Variants in ZNF540 observed in about 807,000 individuals in gnomAD.
ZNF540 encodes CTD-3064H18.6.
Under a neutral mutation model 11.8 loss-of-function variants are expected in ZNF540, and 3 were observed. The observed-to-expected ratio is 0.25, with a 90% CI of 0.12 to 0.65. The LOEUF (loss-of-function observed/expected upper bound fraction) is 0.65, where lower values mean the gene tolerates loss of function less well. Among genes scored for constraint, ZNF540 ranks in the 30% least tolerant of loss-of-function variants. The probability of loss-of-function intolerance (pLI) is 0.83; values close to 1 mark genes in which losing one functional copy is unlikely to be tolerated. For missense variants in ZNF540, 709 were observed against 793.1 expected (o/e 0.89, Z 1.27); for synonymous variants, 247 against 259.0 (o/e 0.95, Z 0.45).
At chr19:37,576,519 TTGAC>T (rs2043248066) in intron 1 of ZNF540, among the ~76,000 whole-genome samples, 2 of 152,182 alleles carry the variant, frequency 1.3e-5, no homozygotes, top group Non-Finnish European at 2.9e-5. Context: ...TAACACAAGA[TTGAC>T]TAAGTTATAC....
At chr19:37,608,090 G>A (rs1176684409) in intron 4 of ZNF540, among the ~76,000 whole-genome samples, 2 of 152,138 alleles carry the variant, frequency 1.3e-5, no homozygotes, top group East Asian at 1.9e-4. Context: ...CATTAATTTG[G>A]AGAAATTCTC....
intron 1 of ZNF540, among the ~76,000 whole-genome samples, chr19:37,587,960 C>T (rs2043733986): frequency 6.6e-6 from 1 of 151,756 alleles, no homozygotes; most frequent in Non-Finnish European, 1.5e-5. Context: ...ATTAGCCAGG[C>T]ATGGTGGCAC....
chr19:37,561,538 G>GT (rs1247189139), intron 1 of ZNF540, among the ~76,000 whole-genome samples: 1 of 152,184 alleles, frequency 6.6e-6, no homozygotes, highest in African/African-American at 2.4e-5. Flanking sequence ...ACAAAAGATA[G>GT]TATTTTCTTT....
chr19:37,567,394 G>C (rs1210954101), intron 1 of ZNF540, among the ~76,000 whole-genome samples: 1 of 152,146 alleles, frequency 6.6e-6, no homozygotes, highest in African/African-American at 2.4e-5. Flanking sequence ...TGAGAATAGA[G>C]CTAATAATCT....
At chr19:37,592,804 A>G (rs1305387644), upstream of ZNF540, among the ~76,000 whole-genome samples, 4 of 152,262 alleles carry the variant, frequency 2.6e-5, no homozygotes, top group African/African-American at 4.8e-5. Flanking sequence ...AAGACAGTAC[A>G]AAGAAGCAAT....
intron 1 of ZNF540, among the ~76,000 whole-genome samples, chr19:37,566,730 TCTG>T (rs2147153357): frequency 6.6e-6 from 1 of 152,304 alleles, no homozygotes; most frequent in Non-Finnish European, 1.5e-5. Context: ...AGCTGGTTTC[TCTG>T]CTTTCATCCT....
intron 1 of ZNF540, among the ~76,000 whole-genome samples, chr19:37,568,944 T>G (rs1399976644): frequency 6.6e-6 from 1 of 151,596 alleles, no homozygotes; most frequent in Admixed American, 6.6e-5. Flanking sequence ...CTGCTGACAC[T>G]CGGGAAGCCC....
At chr19:37,552,561 T>C (rs2042616752) in intron 1 of ZNF540, among the ~76,000 whole-genome samples, 1 of 152,250 alleles carries the variant, frequency 6.6e-6, no homozygotes, top group Admixed American at 6.5e-5. Flanking sequence ...ACTTGTATGA[T>C]TGCTTTGTCT....
At chr19:37,565,077 C>A in intron 1 of ZNF540, 1 of 1,613,284 alleles carries the variant, frequency 6.2e-7, no homozygotes, top group South Asian at 1.1e-5. Context: ...TTTCCACATT[C>A]CTTACATTCA....
chr19:37,559,212 T>C (rs1392154517), intron 1 of ZNF540, among the ~76,000 whole-genome samples: 1 of 152,226 alleles, frequency 6.6e-6, no homozygotes, highest in African/African-American at 2.4e-5. Context: ...CAGAAGCTCA[T>C]GTTTTTTGAC....
At chr19:37,578,126 C>T (rs1196685500) in intron 1 of ZNF540, among the ~76,000 whole-genome samples, 1 of 152,132 alleles carries the variant, frequency 6.6e-6, no homozygotes, top group Non-Finnish European at 1.5e-5. Context: ...CAGTTTCATC[C>T]CCAAACCAGT....
intron 1 of ZNF540, chr19:37,565,862 T>C: frequency 1.2e-6 from 2 of 1,613,948 alleles, no homozygotes; most frequent in Non-Finnish European, 1.7e-6. Flanking sequence ...CTCACCAGTC[T>C]GAATTCTCTG....
intron 1 of ZNF540, chr19:37,567,746 G>C (rs1449230392): frequency 2.0e-5 from 3 of 152,110 alleles, no homozygotes; most frequent in Non-Finnish European, 4.4e-5. Context: ...TTAGGTCCAT[G>C]CCAGGTATTT....
intron 4 of ZNF540, among the ~76,000 whole-genome samples, chr19:37,601,535 A>G (rs939808172): frequency 2.0e-5 from 3 of 152,192 alleles, no homozygotes; most frequent in Non-Finnish European, 4.4e-5. Flanking sequence ...ACCTCCCTAC[A>G]CTAATGGAAT....
At chr19:37,598,185 C>T in intron 1 of ZNF540, among the ~76,000 whole-genome samples, 191 bp from the exon 2 acceptor site, 1 of 152,218 alleles carries the variant, frequency 6.6e-6, no homozygotes, top group East Asian at 1.9e-4. Flanking sequence ...GCAGGATAAC[C>T]TCTGCACTGT....
At chr19:37,565,310 A>G (rs780427863) in intron 1 of ZNF540, 2 of 1,611,156 alleles carry the variant, frequency 1.2e-6, no homozygotes, top group South Asian at 1.1e-5. Flanking sequence ...TGAGCCACGA[A>G]AAAAGGTCTT....
chr19:37,601,411 CAT>C (rs1443881748), intron 4 of ZNF540, among the ~76,000 whole-genome samples: 1 of 152,168 alleles, frequency 6.6e-6, no homozygotes, highest in Non-Finnish European at 1.5e-5. Flanking sequence ...TCTCCATTGA[CAT>C]GTGTGCTTGT....
intron 1 of ZNF540, among the ~76,000 whole-genome samples, chr19:37,567,907 T>C (rs2147156265): frequency 6.6e-6 from 1 of 152,354 alleles, no homozygotes; most frequent in African/African-American, 2.4e-5. Context: ...CAGAACACAG[T>C]ATACATATAA....
At chr19:37,597,489 G>C (rs2044005234) in intron 1 of ZNF540, 1 of 152,214 alleles carries the variant, frequency 6.6e-6, no homozygotes, top group Non-Finnish European at 1.5e-5. Context: ...GTGCAATGGG[G>C]CGATCTCAGC....
Sources: gnomAD v4.1 joint callset for allele counts (sites outside exome capture counted in the v4.1 genomes callset) on GRCh38, gnomAD v4.1.1 for gene constraint, MANE v1.5 for transcripts, NCBI Gene and HGNC (gene_info 2026-07-23, HGNC 2026-07-21) for gene names.